CCDC60: variants seen among roughly 807,000 people sequenced by gnomAD.
CCDC60 encodes the protein coiled-coil domain containing 60, also known as coiled-coil domain-containing protein 60.
CCDC60 carries 54 observed loss-of-function variants against 63.5 expected under a neutral mutation model. The observed-to-expected ratio is 0.85, with a 90% confidence interval of 0.68 to 1.07. The LOEUF is 1.07. Ranked by LOEUF, CCDC60 falls within the 50% of genes least tolerant of loss-of-function variation. The pLI is 0.00. For synonymous variants in CCDC60, 206 were observed against 238.8 expected (o/e 0.86, Z 1.27); for missense variants, 651 against 684.3 (o/e 0.95, Z 0.54).
At chr12:119,350,396 C>T (rs933805241) in intron 1 of CCDC60, among the ~76,000 whole-genome samples, 1 of 151,974 alleles carries the variant, frequency 6.6e-6, no homozygotes, top group South Asian at 2.1e-4. Context: ...CACACAGTTT[C>T]ACCATGCTGT....
intron 2 of CCDC60, among the ~76,000 whole-genome samples, chr12:119,457,122 CAAAG>C (rs1472532123): frequency 6.6e-6 from 1 of 152,184 alleles, no homozygotes; most frequent in Non-Finnish European, 1.5e-5. Flanking sequence ...TACCCTTAGC[CAAAG>C]AAACACCTTA....
chr12:119,439,149 GCAAAAAA>G (rs1566010088), intron 2 of CCDC60, among the ~76,000 whole-genome samples: 1 of 62,998 alleles, frequency 1.6e-5, no homozygotes. Context: ...CCTTTTCTGG[GCAAAAAA>G]AAAAAAAAAA....
intron 1 of CCDC60, among the ~76,000 whole-genome samples, chr12:119,393,519 T>G (rs1024068701): frequency 4.6e-5 from 7 of 152,354 alleles, no homozygotes; most frequent in African/African-American, 1.7e-4. Context: ...TCCTGGAGAT[T>G]TGTACCTGCA....
At chr12:119,431,058 T>TA (rs1950220831) in intron 2 of CCDC60, among the ~76,000 whole-genome samples, 1 of 152,198 alleles carries the variant, frequency 6.6e-6, no homozygotes, top group African/African-American at 2.4e-5. Context: ...GTTTCAGACA[T>TA]ACTGGCCTCT....
At chr12:119,489,260 C>T (rs895447351) in intron 5 of CCDC60, among the ~76,000 whole-genome samples, 2 of 152,170 alleles carry the variant, frequency 1.3e-5, no homozygotes, top group Non-Finnish European at 2.9e-5. Flanking sequence ...ATTCTTCTTC[C>T]TTTTCCTCCT....
At position 119,522,920 on chromosome 12, in the gene CCDC60, C is replaced by G. The variant is rs779255519; in HGVS notation, c.1041-19C>G. On this transcript the variant is annotated intron_variant, in intron 9 of 13. Transcript: ENST00000327554. ...AAAGCAGACTCTGAGCAACTTGAAA[C>G]CATCCTTTTGTGTTTCAGTGAGAGA... 2 of 1,613,666 alleles carry G rather than the reference C, an allele frequency of 1.2e-6. No individual in the cohort carries two copies. Among genetic ancestry groups the G allele is most frequent in the Middle Eastern group, 3.3e-4 (2 of 6,062 alleles).
rs2136295483 is a variant in CCDC60 at position 119,456,582 on chromosome 12, T to G, written c.171-15412T>G. Among the ~76,000 whole-genome samples the G allele has an allele frequency of 6.6e-6, 1 of 152,290 alleles. No individual in the cohort carries two copies. The highest frequency in any genetic ancestry group is 1.5e-5 in the Non-Finnish European group (1 of 68,026). ...TGCACAAGAAAGAATTCAGGGCAAG[T>G]CCATAGCATAAAGTGAAAGCAAGTT... is the stretch of plus-strand genomic sequence containing the variant. On this transcript the variant is annotated intron_variant, in intron 2 of 13. Coordinates refer to ENST00000327554, the MANE Select transcript of CCDC60 (RefSeq NM_178499.5). The surrounding 1 kb of genome is among the most constrained non-coding windows in gnomAD (Gnocchi z 4.6).
intron 2 of CCDC60, among the ~76,000 whole-genome samples, chr12:119,429,213 A>G (rs537300912): frequency 6.6e-6 from 1 of 152,230 alleles, no homozygotes; most frequent in African/African-American, 2.4e-5. Context: ...GGAGGTTGTT[A>G]GAAGAACCGA....
At chr12:119,344,843 TCTCTCTCTCTCTCACACACACACA>T in intron 1 of CCDC60, among the ~76,000 whole-genome samples, 2 of 107,540 alleles carry the variant, frequency 1.9e-5, no homozygotes, top group African/African-American at 7.1e-5. Flanking sequence ...TCTTTCTCTC[TCTCTCTCTCTCTCACACACACACA>T]CACACACACA....
intron 1 of CCDC60, among the ~76,000 whole-genome samples, chr12:119,352,247 A>G (rs113199478): frequency 0.018 from 2,734 of 152,308 alleles, 80 homozygotes; most frequent in African/African-American, 0.062. Context: ...GTCGCCTTCT[A>G]CCAGACCCCA....
chr12:119,364,754 C>T (rs551835316), intron 1 of CCDC60, among the ~76,000 whole-genome samples: 104 of 152,298 alleles, frequency 6.8e-4, no homozygotes, highest in Admixed American at 5.9e-3. Context: ...AGGAGATCCA[C>T]GGGGCGATCT....
At position 119,407,114 on chromosome 12, in the gene CCDC60, T is replaced by A. The variant is rs143202133; in HGVS notation, c.91-21569T>A. On this transcript the variant is annotated intron_variant, in intron 1 of 13. Coordinates refer to ENST00000327554, the MANE Select transcript of CCDC60 (RefSeq NM_178499.5). ...ATAGGGGGGTATATTCTGACTGCCC[T>A]TGGCATGAATGTCCCATCCAGGTGG... 1.3e-3 allele frequency among the ~76,000 whole-genome samples: 192 copies of A among 152,248 alleles called. 1 individual carries two copies. Among genetic ancestry groups the A allele is most frequent in the Middle Eastern group, 3.4e-3 (1 of 294 alleles).
At chr12:119,369,874 C>T (rs1955880686) in intron 1 of CCDC60, among the ~76,000 whole-genome samples, 1 of 152,120 alleles carries the variant, frequency 6.6e-6, no homozygotes, top group Non-Finnish European at 1.5e-5. Flanking sequence ...GGTTCAGAGG[C>T]TTGCCAAGGG....
chr12:119,451,645 C>A (rs913343036), intron 2 of CCDC60, among the ~76,000 whole-genome samples: 1 of 152,182 alleles, frequency 6.6e-6, no homozygotes, highest in Non-Finnish European at 1.5e-5. Flanking sequence ...AATGTAGATT[C>A]TTTGGCGGCA....
At chr12:119,375,068 G>A (rs926374471) in intron 1 of CCDC60, among the ~76,000 whole-genome samples, 1 of 152,104 alleles carries the variant, frequency 6.6e-6, no homozygotes, top group Non-Finnish European at 1.5e-5. Flanking sequence ...CTGTGACTAG[G>A]AATGCCTAGC....
intron 1 of CCDC60, among the ~76,000 whole-genome samples, chr12:119,401,324 A>G (rs947371549): frequency 7.2e-5 from 11 of 152,216 alleles, no homozygotes; most frequent in Non-Finnish European, 1.5e-4. Flanking sequence ...CAAGAGGTTC[A>G]GGATCCCATT....
chr12:119,508,196 G>A (rs1566051295), intron 7 of CCDC60, among the ~76,000 whole-genome samples: 1 of 151,866 alleles, frequency 6.6e-6, no homozygotes, highest in Non-Finnish European at 1.5e-5. Flanking sequence ...AAAGAAGAAA[G>A]TTATGGCATG....
chr12:119,498,128 TTG>T lies in CCDC60; in HGVS notation c.558-1949_558-1948del, dbSNP rs1368232065. Among the ~76,000 whole-genome samples the T allele has an allele frequency of 3.3e-5, 5 of 152,098 alleles. No homozygotes were observed. In the South Asian group the frequency reaches 6.2e-4, roughly 19 times the overall value. On this transcript the variant is annotated intron_variant, in intron 5 of 13. Coordinates refer to ENST00000327554, the MANE Select transcript of CCDC60 (RefSeq NM_178499.5). ...AGAGAGGACACCCCCAACTCCTTAT[TTG>T]GACTGGGAAAAGCCTTTGATTCTGC...
At chr12:119,478,988 T>C (rs910212249) in intron 3 of CCDC60, 106 bp from the exon 4 acceptor site, 3 of 763,310 alleles carry the variant, frequency 3.9e-6, no homozygotes, top group Non-Finnish European at 6.9e-6. Flanking sequence ...GCCTGATACA[T>C]AGTAAGTGTC....
Sources: allele counts gnomAD v4.1 joint callset (sites outside exome capture counted in the v4.1 genomes callset), GRCh38; gene constraint gnomAD v4.1.1; non-coding constraint Gnocchi (gnomAD v3.1); transcripts MANE v1.5; gene names NCBI Gene and HGNC (gene_info 2026-07-23, HGNC 2026-07-21).